ZNF423: variants seen among roughly 807,000 people sequenced by gnomAD.
ZNF423 encodes Ebf-associated zinc finger protein.
In ZNF423, 12 loss-of-function variants were observed where a neutral mutation model predicts 95.8. The observed-to-expected ratio is 0.13, with a 90% CI of 0.08 to 0.20. The LOEUF (loss-of-function observed/expected upper bound fraction) is 0.20, where lower values mean the gene tolerates loss of function less well. ZNF423 is among the 10% of genes least tolerant of loss of function. The pLI is 1.00. For synonymous variants in ZNF423, 749 were observed against 711.9 expected (o/e 1.05, Z -0.83); for missense variants, 1,316 against 1,737.1 (o/e 0.76, Z 4.31).
intron 2 of ZNF423, among the ~76,000 whole-genome samples, chr16:49,761,434 C>T (rs1175251939): frequency 3.3e-5 from 5 of 152,228 alleles, no homozygotes; most frequent in Admixed American, 3.3e-4. Context: ...TCTGCTTCAG[C>T]AGGTCTGGGA....
intron 6 of ZNF423, among the ~76,000 whole-genome samples, chr16:49,524,673 G>A (rs1393435979): frequency 6.6e-6 from 1 of 152,222 alleles, no homozygotes; most frequent in African/African-American, 2.4e-5. Flanking sequence ...TGGGAGGTGA[G>A]CACTTCAGAG....
intron 7 of ZNF423, among the ~76,000 whole-genome samples, chr16:49,512,845 C>T (rs1325557665): frequency 6.6e-6 from 1 of 152,142 alleles, no homozygotes; most frequent in Non-Finnish European, 1.5e-5. Flanking sequence ...CATGTAATCC[C>T]AGCACTTTGA....
intron 2 of ZNF423, among the ~76,000 whole-genome samples, chr16:49,788,301 T>C (rs1198363159): frequency 6.6e-6 from 1 of 152,108 alleles, no homozygotes; most frequent in Non-Finnish European, 1.5e-5. Context: ...CAGGCTTGGG[T>C]TCAAGGGCTT....
chr16:49,582,737 T>C (rs1398130043), intron 5 of ZNF423, among the ~76,000 whole-genome samples: 1 of 152,196 alleles, frequency 6.6e-6, no homozygotes, highest in African/African-American at 2.4e-5. Context: ...TGTATTAAAA[T>C]GTTTTTCCAC....
intron 5 of ZNF423, among the ~76,000 whole-genome samples, chr16:49,564,826 G>A (rs950022625): frequency 3.3e-5 from 5 of 152,228 alleles, no homozygotes; most frequent in Non-Finnish European, 7.3e-5. Context: ...CAGCCTGTTT[G>A]TTCCCTGGCC....
At chr16:49,851,396 T>C (rs1216350257) in intron 1 of ZNF423, among the ~76,000 whole-genome samples, 2 of 152,228 alleles carry the variant, frequency 1.3e-5, no homozygotes, top group Non-Finnish European at 2.9e-5. Flanking sequence ...ATGCATCTAA[T>C]TGCCAGACTA....
rs1567417756 is a variant in ZNF423, at chr16:49,489,036, C to CGCT, written c.*2236_*2238dup. On this transcript the variant is annotated 3_prime_UTR_variant, in exon 8 of 8. Coordinates refer to ENST00000563137, the MANE Select transcript of ZNF423 (RefSeq NM_001379286.1). ...CCTTACCCAAGGCATCAGCCGGCTT[C>CGCT]GCTGCTGATTCCCACATGGCGTGAA... The CGCT allele has an allele frequency of 6.6e-6, 1 of 152,232 alleles. No individual in the cohort carries two copies. Among genetic ancestry groups the CGCT allele is most frequent in the Admixed American group, 6.5e-5 (1 of 15,278 alleles). 9.4% of individuals were successfully genotyped at this position (152,232 alleles called of 1,614,324 possible). A position where few individuals can be genotyped will look rare whatever the true frequency, so the allele number is the denominator to read the frequency against.
chr16:49,732,207 C>A (rs964557226), intron 2 of ZNF423, among the ~76,000 whole-genome samples: 1 of 152,178 alleles, frequency 6.6e-6, no homozygotes, highest in African/African-American at 2.4e-5. Context: ...TTCGTGACTC[C>A]TGGTCTAGTT....
At chr16:49,565,140 G>A (rs532872006) in intron 5 of ZNF423, among the ~76,000 whole-genome samples, 37 of 152,234 alleles carry the variant, frequency 2.4e-4, no homozygotes, top group Admixed American at 5.2e-4. Context: ...TCAGCACGGC[G>A]CCGCAGCTGC....
intron 5 of ZNF423, among the ~76,000 whole-genome samples, chr16:49,541,026 A>G (rs1478021707): frequency 2.6e-5 from 4 of 152,058 alleles, no homozygotes; most frequent in African/African-American, 7.2e-5. Flanking sequence ...TGTCCTCAGA[A>G]CCCGGCTGAA....
At chr16:49,787,986 C>T (rs1431212382) in intron 2 of ZNF423, among the ~76,000 whole-genome samples, 1 of 152,226 alleles carries the variant, frequency 6.6e-6, no homozygotes, top group African/African-American at 2.4e-5. Context: ...TTCCGCCAAC[C>T]ATGGGGAACG....
chr16:49,520,049 C>G (rs1968327799), intron 7 of ZNF423, among the ~76,000 whole-genome samples: 1 of 152,234 alleles, frequency 6.6e-6, no homozygotes, highest in Non-Finnish European at 1.5e-5. Flanking sequence ...AACCTCCCAG[C>G]ATGCTCTAGC....
intron 3 of ZNF423, among the ~76,000 whole-genome samples, chr16:49,689,893 G>C (rs566771274): frequency 2.0e-5 from 3 of 152,126 alleles, no homozygotes; most frequent in Admixed American, 2.0e-4. Flanking sequence ...AGGCTCCCAG[G>C]CAGTGACCCA....
In ZNF423 at chr16:49,638,178, C is replaced by A. The variant is rs1374346434; in HGVS notation, c.998G>T (p.Cys333Phe). Residue 333 changes from cysteine to phenylalanine, a missense_variant, in exon 4 of 8, where the codon TGC (cysteine) becomes TTC (phenylalanine). Physicochemically the swap from Cys to Phe is radical, Grantham distance 205. This residue lies in a region of ZNF423 where 399 missense variants were observed against 478.5 expected (regional missense o/e 0.83). Coordinates refer to ENST00000563137, the MANE Select transcript of ZNF423 (RefSeq NM_001379286.1). This position sits in a 1 kb window ranked among gnomAD's most constrained non-coding sequence, Gnocchi z 5.6. ...HQAHANQKHKCPMCPEQFSSV... is the reference protein window; with the variant it reads ...HQAHANQKHKFPMCPEQFSSV... ...GGAGAACTGCTCAGGGCACATGGGG[C>A]ACTTGTGTTTCTGGTTGGCGTGGGC... The A allele has an allele frequency of 6.2e-7, 1 of 1,608,744 alleles. No individual in the cohort carries two copies. Among genetic ancestry groups the A allele is most frequent in the Non-Finnish European group, 8.5e-7 (1 of 1,179,998 alleles).
At chr16:49,540,302 G>T (rs538215922) in intron 5 of ZNF423, among the ~76,000 whole-genome samples, 2 of 152,142 alleles carry the variant, frequency 1.3e-5, no homozygotes, top group South Asian at 2.1e-4. Flanking sequence ...GTTTTGTTTC[G>T]TTCTGTTTTT....
In ZNF423 at chr16:49,514,759, C is replaced by T. The variant is rs545946942; in HGVS notation, c.3849+8865G>A. Reference sequence around the variant, plus strand: ...AACGCTGGGCTGGCCGCTTTGCCACCGCGGGCCCGGCTCACGGAATCACTT... The same window carrying T: ...AACGCTGGGCTGGCCGCTTTGCCACTGCGGGCCCGGCTCACGGAATCACTT... On this transcript the variant is annotated intron_variant, in intron 7 of 7. Transcript: ENST00000563137. 9.8e-4 allele frequency among the ~76,000 whole-genome samples: 150 copies of T among 152,316 alleles called. 2 individuals are homozygous for T. The South Asian group carries it at 0.03, about 30-fold the overall frequency.
intron 5 of ZNF423, among the ~76,000 whole-genome samples, chr16:49,597,939 G>A (rs915291395): frequency 3.3e-5 from 5 of 152,214 alleles, no homozygotes; most frequent in South Asian, 2.1e-4. Flanking sequence ...TACCTTCCCC[G>A]CATCCTCTCC....
intron 3 of ZNF423, among the ~76,000 whole-genome samples, chr16:49,718,449 G>A (rs2032771976): frequency 6.6e-6 from 1 of 152,172 alleles, no homozygotes; most frequent in Non-Finnish European, 1.5e-5. Flanking sequence ...GCCAGGGGAT[G>A]CTGTGGTTCT....
intron 3 of ZNF423, among the ~76,000 whole-genome samples, chr16:49,639,648 T>C (rs1477666221): frequency 6.6e-6 from 1 of 152,056 alleles, no homozygotes; most frequent in Non-Finnish European, 1.5e-5. Context: ...TCAAGACAGA[T>C]GGAGAGATGG....
Sources: allele counts gnomAD v4.1 joint callset (sites outside exome capture counted in the v4.1 genomes callset), GRCh38; gene constraint gnomAD v4.1.1; regional missense constraint gnomAD v4.1.1; non-coding constraint Gnocchi (gnomAD v3.1); transcripts MANE v1.5; gene names NCBI Gene and HGNC (gene_info 2026-07-23, HGNC 2026-07-21).